Variants in FTCDNL1 observed in about 807,000 individuals in gnomAD.
The protein encoded by FTCDNL1 is formiminotransferase N-terminal subdomain-containing protein.
In FTCDNL1, 11 loss-of-function variants were observed where a neutral mutation model predicts 5.9. That is an observed-to-expected ratio of 1.87 (90% CI 1.18 to 3.10). The LOEUF (loss-of-function observed/expected upper bound fraction) is 3.10. Among genes scored for constraint, FTCDNL1 ranks in the 30% most tolerant of loss-of-function variants. FTCDNL1 has a pLI of 0.00. For synonymous variants in FTCDNL1, 58 were observed against 24.8 expected, an observed-to-expected ratio of 2.34 and a Z score of -3.99; for missense variants, 115 against 65.5, an observed-to-expected ratio of 1.76 and a Z score of -2.61.
the FTCDNL1 span, among the ~76,000 whole-genome samples, chr2:199,725,167 G>A: frequency 1.3e-5 from 2 of 152,102 alleles, no homozygotes; most frequent in African/African-American, 2.4e-5. Flanking sequence ...GATCTTTGTC[G>A]GTTTAAAGTC....
chr2:199,832,719 C>T (rs1702451258), intron 3 of FTCDNL1, among the ~76,000 whole-genome samples: 1 of 152,132 alleles, frequency 6.6e-6, no homozygotes, highest in Admixed American at 6.5e-5. Context: ...TGGGCTCCAA[C>T]TGCTCTGTAC....
chr2:199,837,160 C>T (rs183265504), intron 3 of FTCDNL1, among the ~76,000 whole-genome samples: 1 of 152,306 alleles, frequency 6.6e-6, no homozygotes, highest in African/African-American at 2.4e-5. Flanking sequence ...TTTATTCAGC[C>T]TGTGGCAATA....
the FTCDNL1 span, among the ~76,000 whole-genome samples, chr2:199,729,144 A>G: frequency 6.6e-6 from 1 of 152,220 alleles, no homozygotes; most frequent in Non-Finnish European, 1.5e-5. Context: ...TAAAAAGTTG[A>G]ATATATAGAG....
chr2:199,842,700 T>A (rs940349806), intron 3 of FTCDNL1, among the ~76,000 whole-genome samples: 2 of 152,178 alleles, frequency 1.3e-5, no homozygotes, highest in African/African-American at 4.8e-5. Context: ...AATACGTTAT[T>A]CAGCATTTTT....
the FTCDNL1 span, among the ~76,000 whole-genome samples, chr2:199,681,906 AGTGT>A: frequency 0.03 from 4,471 of 148,312 alleles, 217 homozygotes; most frequent in African/African-American, 0.098. Context: ...TGCTCCAAGG[AGTGT>A]GTGTGTGTGT....
chr2:199,718,082 T>C, the FTCDNL1 span, among the ~76,000 whole-genome samples: 15,073 of 152,090 alleles, frequency 0.099, 1,036 homozygotes, highest in Middle Eastern at 0.26. Flanking sequence ...TTTATTTGTA[T>C]AGATTTAGGG....
At chr2:199,707,408 G>A in the FTCDNL1 span, among the ~76,000 whole-genome samples, 3 of 151,822 alleles carry the variant, frequency 2.0e-5, no homozygotes, top group Non-Finnish European at 4.4e-5. Flanking sequence ...TTTACAATTT[G>A]TGTCTTTCAA....
intron 3 of FTCDNL1, among the ~76,000 whole-genome samples, chr2:199,771,593 A>G (rs928146170): frequency 6.6e-6 from 1 of 152,228 alleles, no homozygotes; most frequent in African/African-American, 2.4e-5. Context: ...GGTATAAAAG[A>G]ACAAAAGCAA....
At chr2:199,745,426 T>A in the FTCDNL1 span, among the ~76,000 whole-genome samples, 1,693 of 152,340 alleles carry the variant, frequency 0.011, 32 homozygotes, top group African/African-American at 0.037. Flanking sequence ...TTTTTAACCA[T>A]TTTTTAAATC....
chr2:199,791,127 T>C (rs1208964138), intron 3 of FTCDNL1, among the ~76,000 whole-genome samples: 2 of 152,184 alleles, frequency 1.3e-5, no homozygotes, highest in Non-Finnish European at 2.9e-5. Flanking sequence ...TACGTATCAA[T>C]TAATTCAGAA....
chr2:199,722,575 C>G, the FTCDNL1 span, among the ~76,000 whole-genome samples: 17 of 152,106 alleles, frequency 1.1e-4, no homozygotes, highest in African/African-American at 4.1e-4. Flanking sequence ...CAGCTTTGTT[C>G]TTTTTGCTTA....
chr2:199,683,932 C>T, the FTCDNL1 span, among the ~76,000 whole-genome samples: 91 of 152,294 alleles, frequency 6.0e-4, no homozygotes, highest in African/African-American at 1.8e-3. Context: ...ATTCATTAAT[C>T]GGCTGTCTGT....
chr2:199,731,684 C>T, the FTCDNL1 span, among the ~76,000 whole-genome samples: 3,901 of 152,176 alleles, frequency 0.026, 258 homozygotes, highest in Admixed American at 0.14. Context: ...GTCAGGAGAT[C>T]GAGACCATCC....
At chr2:199,701,599 A>C in the FTCDNL1 span, among the ~76,000 whole-genome samples, 1 of 152,232 alleles carries the variant, frequency 6.6e-6, no homozygotes, top group South Asian at 2.1e-4. Context: ...GAAATGTTGT[A>C]TATATACACC....
the FTCDNL1 span, among the ~76,000 whole-genome samples, chr2:199,752,061 C>T: frequency 3.9e-5 from 6 of 152,074 alleles, no homozygotes; most frequent in South Asian, 4.1e-4. Flanking sequence ...GAGAATGATG[C>T]GCCCAAAGGC....
chr2:199,767,283 C>A (rs1448367045), intron 3 of FTCDNL1, among the ~76,000 whole-genome samples: 2 of 152,160 alleles, frequency 1.3e-5, no homozygotes, highest in Non-Finnish European at 2.9e-5. Context: ...TCTGAGAACT[C>A]AGGGCTTAGA....
intron 3 of FTCDNL1, among the ~76,000 whole-genome samples, chr2:199,779,418 T>C (rs1168905693): frequency 6.6e-6 from 1 of 152,208 alleles, no homozygotes; most frequent in African/African-American, 2.4e-5. Flanking sequence ...ACAAACAAGT[T>C]ATCTCAAAAG....
At chr2:199,796,785 C>A (rs1216085222) in intron 3 of FTCDNL1, among the ~76,000 whole-genome samples, 1 of 149,522 alleles carries the variant, frequency 6.7e-6, no homozygotes, top group African/African-American at 2.5e-5. Flanking sequence ...AAATCCCATA[C>A]AATCTACACC....
At chr2:199,753,224 G>C in the FTCDNL1 span, among the ~76,000 whole-genome samples, 1 of 152,172 alleles carries the variant, frequency 6.6e-6, no homozygotes. Context: ...GTCATGAAAG[G>C]CACCTCCAAA....
Sources: gnomAD v4.1 joint callset for allele counts (sites outside exome capture counted in the v4.1 genomes callset) on GRCh38, gnomAD v4.1.1 for gene constraint, MANE v1.5 for transcripts, NCBI Gene and HGNC (gene_info 2026-07-23, HGNC 2026-07-21) for gene names.